The following DCP1A variants were observed in gnomAD, a reference collection of about 807,000 sequenced individuals.
DCP1A encodes the protein decapping mRNA 1A.
DCP1A carries 20 observed loss-of-function variants against 58.0 expected under a neutral mutation model. The observed-to-expected ratio is 0.34, with a 90% CI of 0.24 to 0.50. The LOEUF (loss-of-function observed/expected upper bound fraction) is 0.50. DCP1A is among the 20% of genes least tolerant of loss of function. DCP1A has a pLI of 0.98. For missense variants in DCP1A, 613 were observed against 712.2 expected, an observed-to-expected ratio of 0.86 and a Z score of 1.59; for synonymous variants, 285 against 275.1, an observed-to-expected ratio of 1.04 and a Z score of -0.36.
intron 3 of DCP1A, among the ~76,000 whole-genome samples, chr3:53,339,154 C>G (rs187211013): frequency 3.9e-5 from 6 of 152,250 alleles, no homozygotes; most frequent in African/African-American, 1.4e-4. Context: ...GCTCGCTGAC[C>G]TGACAAGACT....
intron 2 of DCP1A, among the ~76,000 whole-genome samples, chr3:53,344,106 T>C (rs2089260200): frequency 6.6e-6 from 1 of 151,408 alleles, no homozygotes. Flanking sequence ...TTGGCATCAA[T>C]GGAGAAAGGC....
intron 5 of DCP1A, among the ~76,000 whole-genome samples, chr3:53,307,877 G>T (rs1176791831): frequency 2.6e-5 from 4 of 152,074 alleles, no homozygotes; most frequent in African/African-American, 9.7e-5. Context: ...GAAGCCTAGG[G>T]TATCATTTAT....
chr3:53,295,513 C>T (rs1707091571), intron 6 of DCP1A, among the ~76,000 whole-genome samples: 1 of 152,124 alleles, frequency 6.6e-6, no homozygotes, highest in African/African-American at 2.4e-5. Flanking sequence ...ATAAAAGATA[C>T]CTCAGCTGTT....
chr3:53,290,087 A>G (rs1706798443), intron 8 of DCP1A, among the ~76,000 whole-genome samples: 1 of 152,184 alleles, frequency 6.6e-6, no homozygotes, highest in East Asian at 1.9e-4. Context: ...TTTAAACTCC[A>G]AGACTCAAGG....
At chr3:53,336,946 C>A (rs868956219) in intron 3 of DCP1A, among the ~76,000 whole-genome samples, 4 of 152,166 alleles carry the variant, frequency 2.6e-5, no homozygotes, top group Middle Eastern at 3.4e-3. Context: ...TCTAGGCTCA[C>A]TGCAACCTTC....
chr3:53,305,643 T>A (rs1707448577), intron 5 of DCP1A, among the ~76,000 whole-genome samples: 1 of 152,180 alleles, frequency 6.6e-6, no homozygotes, highest in African/African-American at 2.4e-5. Flanking sequence ...AGCCACATCG[T>A]GCCTGGCAAA....
intron 3 of DCP1A, among the ~76,000 whole-genome samples, chr3:53,340,725 C>G (rs1165842094): frequency 3.3e-5 from 5 of 152,194 alleles, no homozygotes; most frequent in African/African-American, 1.2e-4. Context: ...GTCCAACAAA[C>G]TGTCCTCAAA....
intron 3 of DCP1A, among the ~76,000 whole-genome samples, chr3:53,336,861 T>C (rs868930116): frequency 6.6e-6 from 1 of 150,754 alleles, no homozygotes; most frequent in Admixed American, 6.6e-5. Flanking sequence ...TTTATTTATT[T>C]ATTTATTTAT....
chr3:53,302,923 G>A (rs1425065077), intron 6 of DCP1A, among the ~76,000 whole-genome samples: 1 of 151,372 alleles, frequency 6.6e-6, no homozygotes, highest in East Asian at 1.9e-4. Context: ...GCACCTGGGA[G>A]TTTTATTTTA....
At chr3:53,340,064 C>T (rs972469603) in intron 3 of DCP1A, among the ~76,000 whole-genome samples, 1 of 152,112 alleles carries the variant, frequency 6.6e-6, no homozygotes, top group Non-Finnish European at 1.5e-5. Flanking sequence ...GCTGGGACTA[C>T]AAGTGTGTGA....
chr3:53,334,766 C>T (rs994094733), intron 3 of DCP1A, among the ~76,000 whole-genome samples: 28 of 152,160 alleles, frequency 1.8e-4, no homozygotes, highest in Non-Finnish European at 2.5e-4. Context: ...ACCCGTCACG[C>T]GCTGCAAATG....
chr3:53,319,766 C>G (rs1261048858), intron 3 of DCP1A, among the ~76,000 whole-genome samples: 1 of 152,154 alleles, frequency 6.6e-6, no homozygotes, highest in Admixed American at 6.6e-5. Context: ...TATGTACTAT[C>G]AAGCTTTTAA....
chr3:53,301,170 A>C (rs1477857147), intron 6 of DCP1A, among the ~76,000 whole-genome samples: 1 of 152,202 alleles, frequency 6.6e-6, no homozygotes, highest in African/African-American at 2.4e-5. Flanking sequence ...AGAATACAAA[A>C]TTTGGTTTAA....
intron 6 of DCP1A, among the ~76,000 whole-genome samples, chr3:53,298,081 G>C (rs1251330496): frequency 6.6e-6 from 1 of 152,172 alleles, no homozygotes; most frequent in Non-Finnish European, 1.5e-5. Context: ...AGCTGCACAA[G>C]GTGGTGTGCA....
At chr3:53,295,231 GAAA>G (rs1226317134) in intron 6 of DCP1A, among the ~76,000 whole-genome samples, 3 of 152,104 alleles carry the variant, frequency 2.0e-5, no homozygotes, top group Non-Finnish European at 4.4e-5. Flanking sequence ...GGGCAGGTCT[GAAA>G]AAATGTAGTC....
intron 5 of DCP1A, among the ~76,000 whole-genome samples, chr3:53,305,798 A>C (rs2106823353): frequency 6.6e-6 from 1 of 152,308 alleles, no homozygotes; most frequent in South Asian, 2.1e-4. Context: ...TTATTAGGTT[A>C]GGTTTTTTTT....
At chr3:53,346,785 A>C (rs544494414) in intron 1 of DCP1A, among the ~76,000 whole-genome samples, 6 of 152,186 alleles carry the variant, frequency 3.9e-5, no homozygotes, top group Non-Finnish European at 7.3e-5. Context: ...TCGGGGATCC[A>C]GTGAACACGG....
intron 3 of DCP1A, among the ~76,000 whole-genome samples, chr3:53,340,780 T>C (rs2089190562): frequency 6.6e-6 from 1 of 152,224 alleles, no homozygotes; most frequent in African/African-American, 2.4e-5. Context: ...GAATCAAGTA[T>C]ATTTTTTAGT....
At chr3:53,338,249 T>G (rs782614048) in intron 3 of DCP1A, 2 of 348,930 alleles carry the variant, frequency 5.7e-6, no homozygotes, top group Non-Finnish European at 1.2e-5. Flanking sequence ...CACTGGGGTC[T>G]TGTGACTGCC....
Sources: gnomAD v4.1 joint callset for allele counts (sites outside exome capture counted in the v4.1 genomes callset) on GRCh38, gnomAD v4.1.1 for gene constraint, MANE v1.5 for transcripts, NCBI Gene and HGNC (gene_info 2026-07-23, HGNC 2026-07-21) for gene names.